The following PTCH1 variants were observed in gnomAD, a reference collection of about 807,000 sequenced individuals.
PTCH1 encodes patched 1, also known as protein patched homolog 1.
Under a neutral mutation model 144.6 loss-of-function variants are expected in PTCH1, and 14 were observed. The observed-to-expected ratio is 0.10, with a 90% CI of 0.06 to 0.15. The LOEUF (loss-of-function observed/expected upper bound fraction) is 0.15. Among genes scored for constraint, PTCH1 ranks in the 10% least tolerant of loss-of-function variants. The probability of loss-of-function intolerance (pLI) is 1.00; values close to 1 mark genes in which losing one functional copy is unlikely to be tolerated. For missense variants in PTCH1, 1,623 were observed against 1,948.3 expected, an observed-to-expected ratio of 0.83 and a Z score of 3.14; for synonymous variants, 833 against 793.6, an observed-to-expected ratio of 1.05 and a Z score of -0.83.
At position 95,445,404 on chromosome 9, in the gene PTCH1, G is replaced by C. The variant is rs1837796286; in HGVS notation, c.*989C>G. The C allele has an allele frequency of 1.3e-5, 2 of 152,138 alleles. No homozygotes were observed. The highest frequency in any genetic ancestry group is 4.1e-4 in the South Asian group (2 of 4,824). 9.4% of individuals were successfully genotyped at this position (152,138 alleles called of 1,614,324 possible). On this transcript the variant is annotated 3_prime_UTR_variant, in exon 24 of 24. Transcript: ENST00000331920. The stretch of plus-strand genomic sequence containing the variant: ...ATGGCCCAGCCAAGGCTCAGCACTA[G>C]GCATGTCACCGAATTCTCTAACACC...
chr9:95,506,245 C>A (rs1843618103), intron 2 of PTCH1, 162 bp downstream of exon 2: 2 of 790,900 alleles, frequency 2.5e-6, no homozygotes, highest in South Asian at 3.7e-5. Flanking sequence ...GTCGGGCGGG[C>A]CTGGCTCCCG....
intron 20 of PTCH1, chr9:95,452,328 GAC>G (rs59002919): frequency 0.17 from 24,997 of 147,350 alleles, 2,808 homozygotes; most frequent in East Asian, 0.56. Flanking sequence ...CTCTCTCTCT[GAC>G]ACACACACAC....
At chr9:95,490,556 C>CAA (rs1554703798) in intron 2 of PTCH1, among the ~76,000 whole-genome samples, 12 of 141,056 alleles carry the variant, frequency 8.5e-5, no homozygotes, top group Admixed American at 2.1e-4. Flanking sequence ...CACACACACA[C>CAA]AAAAGAAAGA....
Position 95,449,665 on chromosome 9 carries a change from C to T in PTCH1, c.3549+176G>A. On this transcript the variant is annotated intron_variant, in intron 21 of 23. Transcript: ENST00000331920. This position sits in a 1 kb window ranked among gnomAD's most constrained non-coding sequence, Gnocchi z 5.3. ...TTGATTTAGAGGAACCAAACCGAAC[C>T]CGCCCTCTAGCCCTCAAAGCCAGTA... The T allele has an allele frequency of 1.4e-6, 1 of 730,464 alleles. No individual in the cohort carries two copies. The highest frequency in any genetic ancestry group is 2.3e-6 in the Non-Finnish European group (1 of 427,370). 45.2% of individuals were successfully genotyped at this position (730,464 alleles called of 1,614,324 possible).
rs765914735 is a variant in PTCH1, at chr9:95,449,046, C to G, written c.3804+23G>C. ...CTACCACGGTGGGAAGACCCCTCCC[C>G]CTGGTTCTGCAGAGTCACTTACAGT... is the stretch of plus-strand genomic sequence containing the variant. On this transcript the variant is annotated intron_variant, in intron 22 of 23. Coordinates refer to ENST00000331920, the MANE Select transcript of PTCH1 (RefSeq NM_000264.5). The surrounding 1 kb of genome is among the most constrained non-coding windows in gnomAD (Gnocchi z 5.3). The G allele has an allele frequency of 1.2e-6, 2 of 1,613,312 alleles. No homozygotes were observed. Among genetic ancestry groups the G allele is most frequent in the Admixed American group, 3.3e-5 (2 of 60,002 alleles).
At chr9:95,488,234 CA>C (rs1181045160) in intron 2 of PTCH1, among the ~76,000 whole-genome samples, 1 of 152,156 alleles carries the variant, frequency 6.6e-6, no homozygotes, top group Non-Finnish European at 1.5e-5. Context: ...TTTACATAAA[CA>C]TTTTAATAAA....
rs889318909 is a variant in PTCH1 at position 95,482,620 on chromosome 9, T to G, written c.585-417A>C. ...ATACTCAGGTGCGGAGATGTTTTAC[T>G]GGCAGATCATGTCCTTAATAGGTAG... On this transcript the variant is annotated intron_variant, in intron 3 of 23. Transcript: ENST00000331920. The G allele has an allele frequency of 1.1e-4, 32 of 287,654 alleles. 1 individual carries two copies. The highest frequency in any genetic ancestry group is 1.5e-4 in the Admixed American group (3 of 19,724). 17.8% of individuals were successfully genotyped at this position (287,654 alleles called of 1,614,324 possible). A position where few individuals can be genotyped will look rare whatever the true frequency, so the allele number is the denominator to read the frequency against.
chr9:95,516,764 C>T (rs544785484), exon 1 of PTCH1: 3 of 1,613,252 alleles, frequency 1.9e-6, no homozygotes, highest in Middle Eastern at 1.7e-4. Flanking sequence ...CGGAGGCTTT[C>T]GGCGGAGTGC....
chr9:95,453,644 G>A (rs867680977), intron 19 of PTCH1, 24 bp from the exon 20 acceptor site: 3 of 1,612,598 alleles, frequency 1.9e-6, no homozygotes, highest in Non-Finnish European at 1.7e-6. Context: ...ATGTTCACAA[G>A]ATCAGGTTGC....
In PTCH1 at chr9:95,508,320, G is replaced by A. The variant is rs2118910051; in HGVS notation, c.42C>T (p.Gly14=). Residue 14 remains glycine (G), a synonymous_variant, in exon 1 of 24, where the codon GGC becomes GGT. Coordinates refer to ENST00000331920, the MANE Select transcript of PTCH1 (RefSeq NM_000264.5). ...CACCGATACAGCCGCTGCCGCCGCC[G>A]CCGCGGTCCTGGGGCTCGGCGGCGT... ...AGNAAEPQDR[G]GGGSGCIGAP... 7.2e-7 allele frequency: 1 copy of A among 1,382,684 alleles called. No individual in the cohort carries two copies. Among genetic ancestry groups the A allele is most frequent in the Non-Finnish European group, 9.3e-7 (1 of 1,074,432 alleles). 85.7% of individuals were successfully genotyped at this position (1,382,684 alleles called of 1,614,324 possible). A position where few individuals can be genotyped will look rare whatever the true frequency, so the allele number is the denominator to read the frequency against.
chr9:95,487,571 G>C (rs1219509370), intron 2 of PTCH1, among the ~76,000 whole-genome samples: 1 of 152,178 alleles, frequency 6.6e-6, no homozygotes, highest in South Asian at 2.1e-4. Flanking sequence ...ATTTGAGCCA[G>C]CCCACATCCC....
Position 95,508,449 on chromosome 9 carries a change from G to A in PTCH1, c.-88C>T, listed in dbSNP as rs540359284. 2 of 1,028,380 alleles carry A rather than the reference G, an allele frequency of 1.9e-6. No homozygotes were observed. Among genetic ancestry groups the A allele is most frequent in the Non-Finnish European group, 2.3e-6 (2 of 858,828 alleles). 63.7% of individuals were successfully genotyped at this position (1,028,380 alleles called of 1,614,324 possible). A position where few individuals can be genotyped will look rare whatever the true frequency, so the allele number is the denominator to read the frequency against. On this transcript the variant is annotated 5_prime_UTR_variant, in exon 1 of 24. Transcript: ENST00000331920. Reference sequence around the variant, plus strand: ...TGCCGCTGCTGCGGGCTCCTGGCGCGCCTGGGCGCTCGGCTTGCGAGGACG... The same window carrying A: ...TGCCGCTGCTGCGGGCTCCTGGCGCACCTGGGCGCTCGGCTTGCGAGGACG...
chr9:95,455,617 T>C (rs180923140), intron 19 of PTCH1, among the ~76,000 whole-genome samples: 23 of 152,338 alleles, frequency 1.5e-4, no homozygotes, highest in Admixed American at 1.4e-3. Context: ...CAACAAAGCA[T>C]TCACAGGGCA....
intron 12 of PTCH1, among the ~76,000 whole-genome samples, chr9:95,471,908 A>G (rs965565113): frequency 6.6e-6 from 1 of 152,200 alleles, no homozygotes. Flanking sequence ...GTGGTGGCGC[A>G]TGCCTGTAAT....
At chr9:95,491,808 G>C (rs956449936) in intron 2 of PTCH1, among the ~76,000 whole-genome samples, 1 of 152,156 alleles carries the variant, frequency 6.6e-6, no homozygotes, top group African/African-American at 2.4e-5. Context: ...GCTCCAAGTG[G>C]AAAATTCCAC....
intron 17 of PTCH1, among the ~76,000 whole-genome samples, chr9:95,459,337 C>T (rs779938375): frequency 9.9e-5 from 15 of 152,176 alleles, no homozygotes; most frequent in African/African-American, 2.7e-4. Flanking sequence ...ACAGCTGGCA[C>T]GTGAGAGCAA....
rs998540265 is a variant in PTCH1, at chr9:95,502,651, G to A, written c.394+3756C>T. 3.9e-5 allele frequency among the ~76,000 whole-genome samples: 6 copies of A among 152,268 alleles called. No individual in the cohort carries two copies. The South Asian group carries it at 1.2e-3, about 32-fold the overall frequency. On this transcript the variant is annotated intron_variant, in intron 2 of 23. Coordinates refer to ENST00000331920, the MANE Select transcript of PTCH1 (RefSeq NM_000264.5). Reference sequence around the variant, plus strand: ...CATATAATTGACAGTTTATTAAAAGGCAATCATTATATGGACATTTTAACA... The same window carrying A: ...CATATAATTGACAGTTTATTAAAAGACAATCATTATATGGACATTTTAACA...
At chr9:95,514,658 G>A (rs1844289132) in intron 1 of PTCH1, 1 of 152,184 alleles carries the variant, frequency 6.6e-6, no homozygotes. Flanking sequence ...GAGAGAGAGA[G>A]AGGAATGAGG....
intron 2 of PTCH1, among the ~76,000 whole-genome samples, chr9:95,493,491 A>G (rs1386729491): frequency 1.3e-5 from 2 of 152,232 alleles, no homozygotes; most frequent in Non-Finnish European, 2.9e-5. Context: ...AGTCATCTGT[A>G]TAAGTTATTA....
Sources: gnomAD v4.1 joint callset for allele counts (sites outside exome capture counted in the v4.1 genomes callset) on GRCh38, gnomAD v4.1.1 for gene constraint, Gnocchi (gnomAD v3.1) non-coding constraint, MANE v1.5 for transcripts, NCBI Gene and HGNC (gene_info 2026-07-23, HGNC 2026-07-21) for gene names.